NALF1: variants seen among roughly 807,000 people sequenced by gnomAD.
The protein encoded by NALF1 is family with sequence similarity 155 member A.
NALF1 carries 3 observed loss-of-function variants against 48.4 expected under a neutral mutation model. The observed-to-expected ratio is 0.06, with a 90% confidence interval of 0.03 to 0.16. The LOEUF (loss-of-function observed/expected upper bound fraction) is 0.16. Among genes scored for constraint, NALF1 ranks in the 10% least tolerant of loss-of-function variants. The pLI is 1.00. For synonymous variants in NALF1, 262 were observed against 245.7 expected, an observed-to-expected ratio of 1.07 and a Z score of -0.62; for missense variants, 526 against 571.5, an observed-to-expected ratio of 0.92 and a Z score of 0.81.
chr13:107,210,613 T>A lies in NALF1; in HGVS notation c.1058A>T (p.Tyr353Phe). 2 of 1,613,590 alleles carry A rather than the reference T, an allele frequency of 1.2e-6. No individual in the cohort carries two copies. The highest frequency in any genetic ancestry group is 1.7e-6 in the Non-Finnish European group (2 of 1,179,532). The change falls in exon 2 of 3, where the codon TAC becomes TTC. Residue 353 changes from tyrosine to phenylalanine, a missense_variant. Tyr to Phe is a conservative substitution (Grantham distance 22). Around this residue, in one of 2 missense-constraint regions of NALF1, gnomAD observed 153 missense variants for 215.9 expected, o/e 0.71. Coordinates refer to ENST00000375915, the MANE Select transcript of NALF1 (RefSeq NM_001080396.3). ...FILPDNDEVI[Y>F]GGLSSFICTG... ...ACAGATGAAACTGGAGAGGCCTCCG[T>A]AGATGACTTCATCATTGTCGGGCAA...
intron 1 of NALF1, among the ~76,000 whole-genome samples, chr13:107,521,636 C>T (rs1443098600): frequency 1.3e-5 from 2 of 152,034 alleles, no homozygotes; most frequent in African/African-American, 4.8e-5. Flanking sequence ...TTGCTTTTGT[C>T]TTTTAATGGG....
At chr13:107,298,455 CAG>C (rs950436056) in intron 1 of NALF1, among the ~76,000 whole-genome samples, 2 of 148,610 alleles carry the variant, frequency 1.3e-5, no homozygotes, top group African/African-American at 5.0e-5. Context: ...TGTTTTGAGA[CAG>C]AGTCTCACTC....
chr13:107,745,467 C>A (rs1876757477), intron 1 of NALF1, among the ~76,000 whole-genome samples: 1 of 152,158 alleles, frequency 6.6e-6, no homozygotes, highest in Non-Finnish European at 1.5e-5. Flanking sequence ...GCTGTTATTC[C>A]TTAGCCAACA....
chr13:107,353,957 C>A (rs1321172022), intron 1 of NALF1, among the ~76,000 whole-genome samples: 4 of 152,134 alleles, frequency 2.6e-5, no homozygotes, highest in Non-Finnish European at 5.9e-5. Context: ...AAATGCTGAA[C>A]ATTTATTGGT....
intron 1 of NALF1, among the ~76,000 whole-genome samples, chr13:107,563,931 A>T (rs500147): frequency 0.72 from 109,171 of 152,122 alleles, 39,598 homozygotes; most frequent in East Asian, 0.8. Context: ...GAGAATTAAA[A>T]GTTGTTTACA....
At chr13:107,608,512 C>T (rs1471152782) in intron 1 of NALF1, among the ~76,000 whole-genome samples, 1 of 152,146 alleles carries the variant, frequency 6.6e-6, no homozygotes, top group Non-Finnish European at 1.5e-5. Flanking sequence ...ATATTACCAG[C>T]ACAGACTTTG....
chr13:107,353,597 T>C, intron 1 of NALF1, among the ~76,000 whole-genome samples: 1 of 152,218 alleles, frequency 6.6e-6, no homozygotes, highest in Non-Finnish European at 1.5e-5. Context: ...AATTCAGAAG[T>C]TCATACTAAT....
intron 1 of NALF1, among the ~76,000 whole-genome samples, chr13:107,478,762 G>T (rs1009387204): frequency 6.6e-6 from 1 of 151,942 alleles, no homozygotes; most frequent in African/African-American, 2.4e-5. Context: ...GAAAATTAAA[G>T]AAACAGCCTT....
intron 1 of NALF1, among the ~76,000 whole-genome samples, chr13:107,637,926 T>C (rs922527993): frequency 6.6e-6 from 1 of 151,954 alleles, no homozygotes; most frequent in African/African-American, 2.4e-5. Context: ...CTTGTGATTC[T>C]TGACTTAGAG....
intron 1 of NALF1, among the ~76,000 whole-genome samples, chr13:107,413,095 C>A (rs191601447): frequency 2.6e-5 from 4 of 152,172 alleles, no homozygotes; most frequent in Admixed American, 2.6e-4. Context: ...AACATCTTTT[C>A]CAGAACTGGG....
intron 1 of NALF1, among the ~76,000 whole-genome samples, chr13:107,848,303 A>C (rs1210905476): frequency 6.6e-6 from 1 of 152,232 alleles, no homozygotes; most frequent in Non-Finnish European, 1.5e-5. Flanking sequence ...GATGATTTTA[A>C]TATACGCATG....
intron 1 of NALF1, among the ~76,000 whole-genome samples, chr13:107,740,981 T>A (rs1432108540): frequency 6.6e-6 from 1 of 152,268 alleles, no homozygotes. Context: ...GTGATCATGA[T>A]GTTTATTCAT....
chr13:107,306,934 A>C (rs1881948323), intron 1 of NALF1, among the ~76,000 whole-genome samples: 3 of 152,214 alleles, frequency 2.0e-5, no homozygotes, highest in African/African-American at 7.2e-5. Flanking sequence ...CTTCAGCTGC[A>C]GTGACAGAGT....
chr13:107,781,150 T>C (rs1378328444), intron 1 of NALF1, among the ~76,000 whole-genome samples: 2 of 152,224 alleles, frequency 1.3e-5, no homozygotes, highest in South Asian at 2.1e-4. Flanking sequence ...GTATTGTCTA[T>C]GCTAATATTA....
At chr13:107,209,134 T>C (rs1187357246) in intron 2 of NALF1, among the ~76,000 whole-genome samples, 3 of 152,186 alleles carry the variant, frequency 2.0e-5, no homozygotes, top group Non-Finnish European at 4.4e-5. Flanking sequence ...TGAGAGAATG[T>C]ACAATAGAAA....
chr13:107,718,519 A>G (rs1875888757), intron 1 of NALF1, among the ~76,000 whole-genome samples: 1 of 152,140 alleles, frequency 6.6e-6, no homozygotes, highest in East Asian at 1.9e-4. Flanking sequence ...GAGCAAGGAG[A>G]AAAAATAATA....
Position 107,502,252 on chromosome 13 carries a change from C to T in NALF1, c.916-291497G>A, listed in dbSNP as rs370856403. On this transcript the variant is annotated intron_variant, in intron 1 of 2. Coordinates refer to ENST00000375915, the MANE Select transcript of NALF1 (RefSeq NM_001080396.3). ...AATACAGTTCATATTATGTTTTATT[C>T]CAAAAGGGACTTTTAAGAGATGTTT... Among the ~76,000 whole-genome samples the T allele has an allele frequency of 1.1e-4, 16 of 152,092 alleles. 1 individual carries two copies. The highest frequency in any genetic ancestry group is 3.6e-4 in the African/African-American group (15 of 41,414).
intron 1 of NALF1, among the ~76,000 whole-genome samples, chr13:107,730,145 T>C (rs3915580): frequency 0.74 from 113,191 of 152,142 alleles, 43,362 homozygotes; most frequent in Non-Finnish European, 0.85. Flanking sequence ...ATCTGCAAAA[T>C]AGGCTTCTAA....
chr13:107,530,922 T>A (rs1876608548), intron 1 of NALF1, among the ~76,000 whole-genome samples: 1 of 151,984 alleles, frequency 6.6e-6, no homozygotes, highest in Non-Finnish European at 1.5e-5. Context: ...CGATTTTTAT[T>A]GTGATTTTTA....
Sources: gnomAD v4.1 joint callset for allele counts (sites outside exome capture counted in the v4.1 genomes callset) on GRCh38, gnomAD v4.1.1 for gene constraint, gnomAD v4.1.1 regional missense constraint, MANE v1.5 for transcripts, NCBI Gene and HGNC (gene_info 2026-07-23, HGNC 2026-07-21) for gene names.